TASP1: variants seen among roughly 807,000 people sequenced by gnomAD.
The protein encoded by TASP1 is taspase 1.
In TASP1, 16 loss-of-function variants were observed where a neutral mutation model predicts 56.6. The observed-to-expected ratio is 0.28, with a 90% CI of 0.19 to 0.43. The LOEUF is 0.43. TASP1 is among the 20% of genes least tolerant of loss of function. The pLI, the probability that TASP1 is intolerant of heterozygous loss-of-function variation, is 1.00. For synonymous variants in TASP1, 179 were observed against 184.2 expected (o/e 0.97, Z 0.23); for missense variants, 393 against 511.6 (o/e 0.77, Z 2.24).
intron 12 of TASP1, 82 bp from the exon 13 acceptor site, chr20:13,417,603 G>T: frequency 6.9e-7 from 1 of 1,450,000 alleles, no homozygotes; most frequent in Non-Finnish European, 9.5e-7. Flanking sequence ...AACAGTTAAA[G>T]ATAGCTTTAT....
At chr20:13,560,191 T>C (rs780251293) in intron 7 of TASP1, among the ~76,000 whole-genome samples, 2 of 152,202 alleles carry the variant, frequency 1.3e-5, no homozygotes, top group Admixed American at 6.5e-5. Flanking sequence ...GACAAAGTTA[T>C]TGAAGTTTTC....
At chr20:13,587,465 A>G (rs1187753761) in intron 4 of TASP1, 95 bp from the exon 5 acceptor site, 2 of 1,063,424 alleles carry the variant, frequency 1.9e-6, no homozygotes, top group Non-Finnish European at 2.7e-6. Context: ...AGAAGGTGAG[A>G]GAATACTTTC....
intron 13 of TASP1, among the ~76,000 whole-genome samples, chr20:13,398,355 T>C (rs1239453151): frequency 6.6e-6 from 1 of 151,744 alleles, no homozygotes; most frequent in African/African-American, 2.4e-5. Context: ...TGCTGGGTCC[T>C]GGCAGGTGCT....
At chr20:13,181,585 T>C in the TASP1 span, among the ~76,000 whole-genome samples, 477 of 152,322 alleles carry the variant, frequency 3.1e-3, 2 homozygotes, top group African/African-American at 0.011. Context: ...CACTGGAATG[T>C]CTTGACAAAG....
At chr20:13,140,355 G>A in the TASP1 span, among the ~76,000 whole-genome samples, 2,803 of 152,236 alleles carry the variant, frequency 0.018, 54 homozygotes, top group South Asian at 0.03. Flanking sequence ...GACCATAGAC[G>A]AAAAGGAAGC....
intron 8 of TASP1, among the ~76,000 whole-genome samples, chr20:13,545,395 CA>C (rs1455011434): frequency 2.0e-5 from 3 of 152,210 alleles, no homozygotes; most frequent in African/African-American, 7.2e-5. Context: ...TTCAAATAGC[CA>C]CAAGGATGGG....
chr20:13,149,844 C>T, the TASP1 span, among the ~76,000 whole-genome samples: 1 of 152,132 alleles, frequency 6.6e-6, no homozygotes, highest in African/African-American at 2.4e-5. Context: ...AGCTAGGCAG[C>T]CAATGATAGA....
the TASP1 span, among the ~76,000 whole-genome samples, chr20:13,278,644 T>A: frequency 3.9e-5 from 6 of 152,164 alleles, no homozygotes. Flanking sequence ...TTTTCCTTGG[T>A]GGTAAAAGTT....
At chr20:13,129,867 A>G in the TASP1 span, among the ~76,000 whole-genome samples, 1 of 152,172 alleles carries the variant, frequency 6.6e-6, no homozygotes, top group African/African-American at 2.4e-5. Context: ...CCTTATACCT[A>G]AAGAATTCTT....
chr20:13,502,537 G>A (rs1378661275), intron 10 of TASP1, among the ~76,000 whole-genome samples: 2 of 152,134 alleles, frequency 1.3e-5, no homozygotes, highest in Non-Finnish European at 2.9e-5. Flanking sequence ...ATTTGGGGAT[G>A]CATACATATA....
At chr20:13,167,507 A>G in the TASP1 span, 5 of 152,274 alleles carry the variant, frequency 3.3e-5, no homozygotes, top group East Asian at 1.9e-4. Context: ...GTAAGCAACT[A>G]TGAAAATCTG....
chr20:13,557,564 T>A (rs2046201566), intron 8 of TASP1, among the ~76,000 whole-genome samples: 1 of 149,842 alleles, frequency 6.7e-6, no homozygotes, highest in Admixed American at 6.7e-5. Flanking sequence ...TTTATTACGA[T>A]GTTTTTGGTT....
chr20:13,546,958 T>C (rs2045829257), intron 8 of TASP1, among the ~76,000 whole-genome samples: 1 of 152,222 alleles, frequency 6.6e-6, no homozygotes, highest in Non-Finnish European at 1.5e-5. Context: ...GACTAATGCA[T>C]GTTTGAAGCC....
chr20:13,634,946 T>G (rs1372288086), intron 1 of TASP1, among the ~76,000 whole-genome samples: 1 of 152,106 alleles, frequency 6.6e-6, no homozygotes, highest in Non-Finnish European at 1.5e-5. Flanking sequence ...GAGAATCGCT[T>G]GAACCCAGGA....
At chr20:13,160,600 C>G in the TASP1 span, among the ~76,000 whole-genome samples, 20 of 152,316 alleles carry the variant, frequency 1.3e-4, no homozygotes, top group African/African-American at 4.6e-4. Context: ...TTTAAAATTG[C>G]CTTTTATTGT....
At chr20:13,338,940 C>T in the TASP1 span, among the ~76,000 whole-genome samples, 1 of 152,274 alleles carries the variant, frequency 6.6e-6, no homozygotes, top group Middle Eastern at 3.4e-3. Flanking sequence ...CACACAAATA[C>T]ACACACCCAT....
At chr20:13,302,244 AT>A in the TASP1 span, among the ~76,000 whole-genome samples, 11 of 152,210 alleles carry the variant, frequency 7.2e-5, no homozygotes, top group African/African-American at 2.4e-4. Flanking sequence ...TGCTGACCTA[AT>A]GAACTGAGAG....
At chr20:13,633,263 G>T (rs775934415) in intron 1 of TASP1, among the ~76,000 whole-genome samples, 6 of 152,108 alleles carry the variant, frequency 3.9e-5, no homozygotes, top group African/African-American at 4.8e-5. Context: ...AGTATTTGCA[G>T]TACCATATGC....
chr20:13,327,613 A>G, the TASP1 span, among the ~76,000 whole-genome samples: 1 of 152,176 alleles, frequency 6.6e-6, no homozygotes, highest in Non-Finnish European at 1.5e-5. Context: ...ACAGACACAT[A>G]GACCAGTGGA....
Sources: gnomAD v4.1 joint callset for allele counts (sites outside exome capture counted in the v4.1 genomes callset) on GRCh38, gnomAD v4.1.1 for gene constraint, MANE v1.5 for transcripts, NCBI Gene and HGNC (gene_info 2026-07-23, HGNC 2026-07-21) for gene names.